ANO10: variants seen among roughly 807,000 people sequenced by gnomAD.
ANO10 encodes the protein anoctamin-10.
Under a neutral mutation model 74.7 loss-of-function variants are expected in ANO10, and 77 were observed. That is an observed-to-expected ratio of 1.03 (90% CI 0.86 to 1.25). ANO10 has a LOEUF of 1.25. Among genes scored for constraint, ANO10 ranks in the 50% most tolerant of loss-of-function variants. The pLI is 0.00. For synonymous variants in ANO10, 279 were observed against 284.9 expected (o/e 0.98, Z 0.21); for missense variants, 721 against 778.1 (o/e 0.93, Z 0.87).
intron 11 of ANO10, among the ~76,000 whole-genome samples, chr3:43,493,452 G>A (rs1360951022): frequency 6.6e-6 from 1 of 152,004 alleles, no homozygotes; most frequent in African/African-American, 2.4e-5. Flanking sequence ...AGTTGATAAT[G>A]CCTGTTCTTC....
At chr3:43,564,615 A>C (rs1050757398) in intron 8 of ANO10, among the ~76,000 whole-genome samples, 1 of 152,130 alleles carries the variant, frequency 6.6e-6, no homozygotes, top group Non-Finnish European at 1.5e-5. Flanking sequence ...TGGCCTGTAC[A>C]CTGCTGTTGA....
intron 7 of ANO10, among the ~76,000 whole-genome samples, chr3:43,572,719 C>T (rs370726411): frequency 6.6e-6 from 1 of 152,208 alleles, no homozygotes; most frequent in African/African-American, 2.4e-5. Context: ...TCCTTTCTGC[C>T]TCCCAGCCCC....
intron 11 of ANO10, among the ~76,000 whole-genome samples, chr3:43,510,389 C>T (rs1426083792): frequency 6.7e-6 from 1 of 150,044 alleles, no homozygotes; most frequent in African/African-American, 2.5e-5. Flanking sequence ...CGAGATTGTG[C>T]CATTGCACTC....
chr3:43,565,371 A>AT (rs1234115102), intron 8 of ANO10, among the ~76,000 whole-genome samples: 3 of 152,040 alleles, frequency 2.0e-5, no homozygotes, highest in Non-Finnish European at 4.4e-5. Context: ...TGAATACTAT[A>AT]TTTTTGCTGT....
intron 4 of ANO10, among the ~76,000 whole-genome samples, chr3:43,595,492 C>T (rs1160648631): frequency 6.6e-6 from 1 of 152,142 alleles, no homozygotes; most frequent in African/African-American, 2.4e-5. Flanking sequence ...ATCGTATAAA[C>T]AGAACCAAAG....
At chr3:43,388,554 T>C (rs1442450514) in intron 12 of ANO10, among the ~76,000 whole-genome samples, 3 of 152,206 alleles carry the variant, frequency 2.0e-5, no homozygotes, top group Admixed American at 6.5e-5. Flanking sequence ...TGCAATATCA[T>C]AGGCTCACAC....
intron 11 of ANO10, among the ~76,000 whole-genome samples, chr3:43,438,459 A>T (rs74485182): frequency 6.6e-6 from 1 of 151,688 alleles, no homozygotes; most frequent in African/African-American, 2.4e-5. Context: ...AAAAAAAAAA[A>T]TTCAGCCAGG....
intron 11 of ANO10, among the ~76,000 whole-genome samples, chr3:43,489,796 C>T (rs1435571259): frequency 1.3e-5 from 2 of 151,882 alleles, no homozygotes; most frequent in African/African-American, 4.8e-5. Context: ...AGTCTCTTTG[C>T]CTGGTGAAAA....
intron 11 of ANO10, among the ~76,000 whole-genome samples, chr3:43,517,178 C>G (rs920899353): frequency 6.6e-6 from 1 of 152,128 alleles, no homozygotes; most frequent in Non-Finnish European, 1.5e-5. Context: ...CAATGTTTTA[C>G]ACAAAACAAT....
At chr3:43,668,706 T>C (rs1575586774) in intron 1 of ANO10, among the ~76,000 whole-genome samples, 1 of 152,152 alleles carries the variant, frequency 6.6e-6, no homozygotes, top group Non-Finnish European at 1.5e-5. Context: ...ATTTGTGTTT[T>C]TGTATGCTTT....
chr3:43,549,329 T>A (rs2079346147), intron 11 of ANO10, among the ~76,000 whole-genome samples: 1 of 152,120 alleles, frequency 6.6e-6, no homozygotes, highest in Non-Finnish European at 1.5e-5. Context: ...TTTTTAAATT[T>A]TTTGTGGAGA....
rs754569270 is a variant in ANO10, at chr3:43,538,417, T to A, written c.1797+11303A>T. Among the ~76,000 whole-genome samples the A allele has an allele frequency of 1.3e-4, 20 of 152,340 alleles. No homozygotes were observed. In the East Asian group the frequency reaches 3.9e-3, roughly 29 times the overall value. ...GAAGGGTGAATTTATTTTCTTTGTA[T>A]CTCCAGCACTGACTAGAAATTCAGA... is the stretch of plus-strand genomic sequence containing the variant. On this transcript the variant is annotated intron_variant, in intron 11 of 12. Transcript: ENST00000292246.
At chr3:43,627,282 A>C (rs1056520822) in intron 1 of ANO10, among the ~76,000 whole-genome samples, 5 of 152,246 alleles carry the variant, frequency 3.3e-5, no homozygotes, top group Non-Finnish European at 5.9e-5. Flanking sequence ...AAAGAGAACT[A>C]AGTTCTTACC....
intron 12 of ANO10, among the ~76,000 whole-genome samples, chr3:43,402,285 T>C (rs1012544818): frequency 2.0e-5 from 3 of 152,200 alleles, no homozygotes; most frequent in Non-Finnish European, 2.9e-5. Flanking sequence ...GAAGTGGACA[T>C]GGCTAACAGA....
At chr3:43,486,039 C>G (rs2076473769) in intron 11 of ANO10, among the ~76,000 whole-genome samples, 1 of 152,338 alleles carries the variant, frequency 6.6e-6, no homozygotes, top group South Asian at 2.1e-4. Flanking sequence ...AGTGGCCTTG[C>G]AAAGCTGTCT....
In ANO10 at chr3:43,559,717, G is replaced by T. The variant is rs139116677; in HGVS notation, c.1476+1503C>A. ...CAGTGAAAAAAGGAAAAGAAATGTG[G>T]CCAAGAATACCACCCCCAAGCATAG... On this transcript the variant is annotated intron_variant, in intron 9 of 12. Coordinates refer to ENST00000292246, the MANE Select transcript of ANO10 (RefSeq NM_018075.5). Among the ~76,000 whole-genome samples, 832 of 152,144 alleles carry T rather than the reference G, an allele frequency of 5.5e-3. 6 individuals are homozygous for T. Among genetic ancestry groups the T allele is most frequent in the African/African-American group, 0.019 (800 of 41,506 alleles).
rs371333490 is a variant in ANO10, at chr3:43,651,489, T to C, written c.-12+40028A>G. ...TGGAAGAGTTTTTGGAAGATAGAAG[T>C]AAAGTGTCTTAAAAAAAGAGGGAGT... is the stretch of plus-strand genomic sequence containing the variant. On this transcript the variant is annotated intron_variant, in intron 1 of 3. Coordinates refer to the ANO10 transcript ENST00000413397. Among the ~76,000 whole-genome samples, 68 of 152,218 alleles carry C rather than the reference T, an allele frequency of 4.5e-4. 1 individual carries two copies. Among genetic ancestry groups the C allele is most frequent in the African/African-American group, 1.6e-3 (66 of 41,530 alleles).
At chr3:43,518,855 C>T (rs1046464489) in intron 11 of ANO10, among the ~76,000 whole-genome samples, 3 of 152,180 alleles carry the variant, frequency 2.0e-5, no homozygotes, top group Admixed American at 6.5e-5. Context: ...TCCAGTGGGA[C>T]ATGAAACTTC....
chr3:43,444,751 C>T (rs207463131), intron 11 of ANO10, among the ~76,000 whole-genome samples: 3 of 152,206 alleles, frequency 2.0e-5, no homozygotes, highest in East Asian at 1.9e-4. Flanking sequence ...ATGGCGAGGA[C>T]GGCAGGGTGC....
Sources: allele counts gnomAD v4.1 joint callset (sites outside exome capture counted in the v4.1 genomes callset), GRCh38; gene constraint gnomAD v4.1.1; transcripts MANE v1.5; gene names NCBI Gene and HGNC (gene_info 2026-07-23, HGNC 2026-07-21).